ADCY5: variants seen among roughly 807,000 people sequenced by gnomAD.
The protein encoded by ADCY5 is adenylate cyclase 5, also known as adenylate cyclase type 5.
Under a neutral mutation model 119.7 loss-of-function variants are expected in ADCY5, and 30 were observed. The ratio of observed to expected loss-of-function variants is 0.25; its 90% confidence interval spans 0.19 to 0.34. The LOEUF is 0.34. ADCY5 is among the 10% of genes least tolerant of loss of function. The pLI, the probability that ADCY5 is intolerant of heterozygous loss-of-function variation, is 1.00. For missense variants in ADCY5, 1,324 were observed against 1,775.2 expected, an observed-to-expected ratio of 0.75 and a Z score of 4.57; for synonymous variants, 753 against 762.2, an observed-to-expected ratio of 0.99 and a Z score of 0.20.
intron 3 of ADCY5, among the ~76,000 whole-genome samples, chr3:123,345,769 G>GACACACAGACACACAGACACACAC (rs1553731376): frequency 1.8e-5 from 2 of 113,762 alleles, no homozygotes; most frequent in African/African-American, 7.9e-5. Context: ...CAGACAGACA[G>GACACACAGACACACAGACACACAC]ACACACACAC....
chr3:123,378,598 C>T (rs1029635954), intron 1 of ADCY5, among the ~76,000 whole-genome samples: 7 of 152,198 alleles, frequency 4.6e-5, no homozygotes, highest in South Asian at 2.1e-4. Flanking sequence ...CAGATGGCCT[C>T]GCTGGGCCTG....
intron 3 of ADCY5, among the ~76,000 whole-genome samples, chr3:123,336,871 C>T (rs1190655727): frequency 4.6e-5 from 7 of 152,350 alleles, no homozygotes; most frequent in Admixed American, 1.3e-4. Flanking sequence ...GTCCTGGGAC[C>T]AGGCATCTCG....
Position 123,304,175 on chromosome 3 carries a change from G to T in ADCY5, c.2451C>A (p.Pro817=). 1 of 1,603,448 alleles carries T rather than the reference G, an allele frequency of 6.2e-7. No homozygotes were observed. Among genetic ancestry groups the T allele is most frequent in the South Asian group, 1.1e-5 (1 of 90,702 alleles). ...SVIYSCVKLF[P]SPLQTLSRKI... The stretch of plus-strand genomic sequence containing the variant: ...TCCTGGAGAGGGTCTGCAGTGGGGA[G>T]GGGAAGAGCTAGGGTGGGGGCAGGG... Residue 817 remains proline (P), a synonymous_variant, in exon 13 of 21, where the codon CCC becomes CCA. Coordinates refer to ENST00000462833, the MANE Select transcript of ADCY5 (RefSeq NM_183357.3).
At chr3:123,314,109 G>T in intron 12 of ADCY5, 126 bp downstream of exon 12, 1 of 695,628 alleles carries the variant, frequency 1.4e-6, no homozygotes, top group Non-Finnish European at 2.4e-6. Flanking sequence ...CTGGCATCAG[G>T]CACTCTCCCA....
At chr3:123,360,861 C>T (rs1943223788) in intron 1 of ADCY5, among the ~76,000 whole-genome samples, 1 of 152,012 alleles carries the variant, frequency 6.6e-6, no homozygotes, top group Non-Finnish European at 1.5e-5. Context: ...TTCATCTCAC[C>T]CTCATCAAAT....
At chr3:123,419,230 G>A in intron 1 of ADCY5, 1 of 985,340 alleles carries the variant, frequency 1.0e-6, no homozygotes, top group Non-Finnish European at 1.2e-6. Context: ...CAGTCAGGTG[G>A]CACTCAAGGC....
intron 2 of ADCY5, among the ~76,000 whole-genome samples, chr3:123,349,463 C>T (rs935086875): frequency 2.0e-5 from 3 of 152,110 alleles, no homozygotes; most frequent in Admixed American, 6.6e-5. Context: ...ATTCTGGTCG[C>T]GACACCCTGG....
At chr3:123,290,330 G>C (rs781287314) in intron 18 of ADCY5, among the ~76,000 whole-genome samples, 6 of 152,108 alleles carry the variant, frequency 3.9e-5, no homozygotes, top group Non-Finnish European at 7.4e-5. Flanking sequence ...CCCTGGCCCC[G>C]GCCCTCCTGG....
At position 123,449,075 on chromosome 3, in the gene ADCY5, C is replaced by CGGACTGGGAG. The variant is rs1945889818; in HGVS notation, c.-540_-531dup. The CGGACTGGGAG allele has an allele frequency of 6.9e-6, 1 of 145,280 alleles. No individual in the cohort carries two copies. The highest frequency in any genetic ancestry group is 1.5e-5 in the Non-Finnish European group (1 of 66,462). The allele number at this position is 145,280 out of a possible 1,614,324, so 9.0% of individuals were successfully genotyped here. On this transcript the variant is annotated 5_prime_UTR_variant, in exon 1 of 21. Coordinates refer to ENST00000462833, the MANE Select transcript of ADCY5 (RefSeq NM_183357.3). Reference sequence around the variant, plus strand: ...CACTGCGGGTGCGCTTTCCTCGCAGCGGACTGGGAGCGACTGGGAGGTGCG... The same window carrying CGGACTGGGAG: ...CACTGCGGGTGCGCTTTCCTCGCAGCGGACTGGGAGGGACTGGGAGCGACTGGGAGGTGCG...
chr3:123,298,435 A>G (rs1365817674), intron 15 of ADCY5, among the ~76,000 whole-genome samples: 1 of 152,192 alleles, frequency 6.6e-6, no homozygotes, highest in Non-Finnish European at 1.5e-5. Context: ...TCCCTGCTCC[A>G]GCCCTGAACC....
intron 16 of ADCY5, chr3:123,296,917 G>A (rs1378392760): frequency 1.8e-5 from 25 of 1,418,044 alleles, no homozygotes; most frequent in East Asian, 2.5e-5. Flanking sequence ...GTGACCCCCC[G>A]CCCCTTGCCC....
intron 1 of ADCY5, among the ~76,000 whole-genome samples, chr3:123,435,856 T>TATG (rs1945601882): frequency 9.0e-6 from 1 of 110,742 alleles, no homozygotes; most frequent in East Asian, 2.6e-4. Context: ...GCCCTTTTAT[T>TATG]ATTATTATTA....
intron 1 of ADCY5, 128 bp downstream of exon 1, chr3:123,447,284 A>G (rs1945835749): frequency 5.4e-6 from 6 of 1,113,342 alleles, no homozygotes; most frequent in South Asian, 1.8e-5. Context: ...AATAGCCTAC[A>G]TGGCCGAGCC....
At chr3:123,409,480 G>A (rs143193036) in intron 1 of ADCY5, among the ~76,000 whole-genome samples, 7 of 152,188 alleles carry the variant, frequency 4.6e-5, no homozygotes, top group Non-Finnish European at 7.3e-5. Context: ...AGCTTTCACA[G>A]GTGGAAAGGA....
chr3:123,305,596 T>G (rs930669939), intron 12 of ADCY5, among the ~76,000 whole-genome samples: 7 of 152,032 alleles, frequency 4.6e-5, no homozygotes, highest in African/African-American at 1.7e-4. Context: ...GTCTGTAACA[T>G]GAGTAATAAA....
rs6148049 is a variant in ADCY5, at chr3:123,358,155, C to CGTGTGTGTGTGTGTGTGT, written c.1135-5592_1135-5575dup. Reference sequence around the variant, plus strand: ...GGGACACATCTAACCACATGGAACACGTGTGTGTGTGTGTGTGTGTGTGTG... The same window carrying CGTGTGTGTGTGTGTGTGT: ...GGGACACATCTAACCACATGGAACACGTGTGTGTGTGTGTGTGTGTGTGTGTGTGTGTGTGTGTGTGTG... On this transcript the variant is annotated intron_variant, in intron 1 of 20. Coordinates refer to ENST00000462833, the MANE Select transcript of ADCY5 (RefSeq NM_183357.3). Among the ~76,000 whole-genome samples the CGTGTGTGTGTGTGTGTGT allele has an allele frequency of 3.4e-3, 477 of 140,954 alleles. 4 individuals are homozygous for CGTGTGTGTGTGTGTGTGT. The highest frequency in any genetic ancestry group is 4.4e-3 in the Non-Finnish European group (292 of 66,592). 92.5% of individuals were successfully genotyped at this position (140,954 alleles called of 152,430 possible). A position where few individuals can be genotyped will look rare whatever the true frequency, so the allele number is the denominator to read the frequency against.
chr3:123,319,839 G>T (rs1395865625), intron 9 of ADCY5, 21 bp from the exon 10 acceptor site: 6 of 1,609,372 alleles, frequency 3.7e-6, no homozygotes, highest in Non-Finnish European at 5.1e-6. Context: ...GAAGGCACGG[G>T]CGTGAGACAG....
intron 1 of ADCY5, among the ~76,000 whole-genome samples, chr3:123,421,794 G>C (rs1945308510): frequency 6.6e-6 from 1 of 152,200 alleles, no homozygotes; most frequent in Non-Finnish European, 1.5e-5. Context: ...AGGATTTATT[G>C]ATATGTCCTG....
chr3:123,315,479 CAGCCCCCA>C (rs1012613331), intron 11 of ADCY5, among the ~76,000 whole-genome samples: 1 of 152,184 alleles, frequency 6.6e-6, no homozygotes, highest in Non-Finnish European at 1.5e-5. Flanking sequence ...TGAGATGACC[CAGCCCCCA>C]AGCCGCTGCA....
Sources: gnomAD v4.1 joint callset for allele counts (sites outside exome capture counted in the v4.1 genomes callset) on GRCh38, gnomAD v4.1.1 for gene constraint, MANE v1.5 for transcripts, NCBI Gene and HGNC (gene_info 2026-07-23, HGNC 2026-07-21) for gene names.